CDH13: variants seen among roughly 807,000 people sequenced by gnomAD.
CDH13 encodes the protein cadherin 13, also known as cadherin-13.
In CDH13, 24 loss-of-function variants were observed where a neutral mutation model predicts 63.8. The observed-to-expected ratio is 0.38, with a 90% CI of 0.27 to 0.53. The LOEUF (loss-of-function observed/expected upper bound fraction) is 0.53. CDH13 is among the 20% of genes least tolerant of loss of function. The probability of loss-of-function intolerance (pLI) is 0.85; values close to 1 mark genes in which losing one functional copy is unlikely to be tolerated. For synonymous variants in CDH13, 503 were observed against 355.3 expected (o/e 1.42, Z -4.67); for missense variants, 1,049 against 903.1 (o/e 1.16, Z -2.07).
At chr16:82,998,239 G>C (rs571352665) in intron 2 of CDH13, among the ~76,000 whole-genome samples, 29 of 152,162 alleles carry the variant, frequency 1.9e-4, no homozygotes, top group African/African-American at 6.7e-4. Context: ...TTTCTAAAAC[G>C]CATTAATGCA....
chr16:83,444,032 C>T (rs925444518), intron 6 of CDH13, among the ~76,000 whole-genome samples: 7 of 150,130 alleles, frequency 4.7e-5, no homozygotes, highest in African/African-American at 1.7e-4. Context: ...TGGCGATGAT[C>T]ATGGTGATGA....
chr16:82,766,135 T>C (rs2035045348), intron 1 of CDH13, among the ~76,000 whole-genome samples: 1 of 152,196 alleles, frequency 6.6e-6, no homozygotes, highest in African/African-American at 2.4e-5. Flanking sequence ...AAGCCCAACA[T>C]GAAAATCACT....
intron 3 of CDH13, among the ~76,000 whole-genome samples, chr16:83,037,855 A>G (rs1917002370): frequency 6.6e-6 from 1 of 152,186 alleles, no homozygotes; most frequent in African/African-American, 2.4e-5. Flanking sequence ...TCAAATAGGG[A>G]TAAGAACAGT....
intron 6 of CDH13, among the ~76,000 whole-genome samples, chr16:83,465,072 C>T (rs1269299731): frequency 6.6e-6 from 1 of 152,178 alleles, no homozygotes; most frequent in Non-Finnish European, 1.5e-5. Flanking sequence ...TGGGTGGTGA[C>T]AGAAGGCGGC....
chr16:83,203,554 GT>G (rs1250189301), intron 4 of CDH13, among the ~76,000 whole-genome samples: 5 of 150,702 alleles, frequency 3.3e-5, no homozygotes, highest in African/African-American at 9.8e-5. Context: ...GGCTGTCGTG[GT>G]GGGTGCCTGT....
chr16:83,176,512 G>GAA (rs869250059), intron 4 of CDH13, among the ~76,000 whole-genome samples: 1,806 of 71,302 alleles, frequency 0.025, 81 homozygotes, highest in African/African-American at 0.072. Context: ...TCCAGCTAGA[G>GAA]AAAAAAAAAA....
At chr16:83,589,575 G>A (rs116825955) in intron 7 of CDH13, among the ~76,000 whole-genome samples, 3 of 151,888 alleles carry the variant, frequency 2.0e-5, no homozygotes, top group Non-Finnish European at 2.9e-5. Context: ...TTAGAACATG[G>A]CCATCTTTGA....
intron 6 of CDH13, among the ~76,000 whole-genome samples, chr16:83,419,726 G>A (rs1368902504): frequency 6.6e-6 from 1 of 152,190 alleles, no homozygotes; most frequent in South Asian, 2.1e-4. Flanking sequence ...ATTCCCATAA[G>A]TGTACTGGCA....
In CDH13 at chr16:83,344,195, A is replaced by G. The variant is rs1436229338; in HGVS notation, c.637-667A>G. ...GTCCCCGTGATTCACTGGAAATGCC[A>G]TGACATAATTCTTCGTTTCCAAGAC... On this transcript the variant is annotated intron_variant, in intron 5 of 13. Transcript: ENST00000567109. Among the ~76,000 whole-genome samples the G allele has an allele frequency of 4.6e-5, 7 of 152,250 alleles. No homozygotes were observed. In the East Asian group the frequency reaches 9.6e-4, roughly 21 times the overall value.
intron 5 of CDH13, among the ~76,000 whole-genome samples, chr16:83,277,675 A>G (rs2089035503): frequency 6.6e-6 from 1 of 152,200 alleles, no homozygotes. Flanking sequence ...AAAGTAGCAG[A>G]TAAGAGAATC....
At chr16:83,129,650 G>T (rs959448996) in intron 4 of CDH13, among the ~76,000 whole-genome samples, 1 of 152,172 alleles carries the variant, frequency 6.6e-6, no homozygotes, top group Admixed American at 6.5e-5. Context: ...CTGGTGGAGG[G>T]CCGCTTCCAG....
intron 1 of CDH13, among the ~76,000 whole-genome samples, chr16:82,639,053 A>G (rs955524139): frequency 6.6e-6 from 1 of 152,186 alleles, no homozygotes; most frequent in African/African-American, 2.4e-5. Flanking sequence ...GAGAACTGGG[A>G]CCAGGGTTTG....
intron 7 of CDH13, among the ~76,000 whole-genome samples, chr16:83,518,460 TTTTTTTG>T (rs1239412456): frequency 1.5e-4 from 22 of 145,200 alleles, no homozygotes; most frequent in African/African-American, 3.4e-4. Context: ...GTGATGGGTT[TTTTTTTG>T]TTTTTTGTTT....
intron 3 of CDH13, among the ~76,000 whole-genome samples, chr16:83,086,223 A>G (rs2033587709): frequency 6.6e-6 from 1 of 152,236 alleles, no homozygotes; most frequent in South Asian, 2.1e-4. Context: ...GAGTCTTGAG[A>G]CTACAAAACA....
intron 1 of CDH13, among the ~76,000 whole-genome samples, chr16:82,842,431 C>G (rs148770033): frequency 2.2e-4 from 33 of 151,818 alleles, no homozygotes; most frequent in African/African-American, 7.5e-4. Flanking sequence ...TCACACTGTA[C>G]CACTCTTTAT....
chr16:82,951,450 T>A (rs1039679488), intron 2 of CDH13, among the ~76,000 whole-genome samples: 2 of 152,176 alleles, frequency 1.3e-5, no homozygotes, highest in African/African-American at 2.4e-5. Flanking sequence ...GGAAAGGACT[T>A]TTCATCTCCT....
intron 3 of CDH13, among the ~76,000 whole-genome samples, chr16:83,052,630 A>C (rs1357616593): frequency 6.6e-6 from 1 of 152,096 alleles, no homozygotes; most frequent in Non-Finnish European, 1.5e-5. Flanking sequence ...AAATACAAAA[A>C]TTAGCCAGGC....
chr16:83,491,293 A>G (rs2074006090), intron 7 of CDH13, among the ~76,000 whole-genome samples: 1 of 152,200 alleles, frequency 6.6e-6, no homozygotes, highest in Non-Finnish European at 1.5e-5. Context: ...AATAAGAGCC[A>G]TATATTCCAG....
intron 6 of CDH13, among the ~76,000 whole-genome samples, chr16:83,357,384 C>T (rs149682925): frequency 1.3e-5 from 2 of 152,270 alleles, no homozygotes; most frequent in African/African-American, 4.8e-5. Context: ...AAATCAGCTT[C>T]GGTCTGTGAT....
Sources: gnomAD v4.1 joint callset for allele counts (sites outside exome capture counted in the v4.1 genomes callset) on GRCh38, gnomAD v4.1.1 for gene constraint, MANE v1.5 for transcripts, NCBI Gene and HGNC (gene_info 2026-07-23, HGNC 2026-07-21) for gene names.